EI24: variants seen among roughly 807,000 people sequenced by gnomAD.
EI24 encodes the protein etoposide-induced protein 2.4 homolog.
EI24 carries 21 observed loss-of-function variants against 48.6 expected under a neutral mutation model. The ratio of observed to expected loss-of-function variants is 0.43; its 90% CI spans 0.31 to 0.62. The LOEUF (loss-of-function observed/expected upper bound fraction) is 0.62, where lower values mean the gene tolerates loss of function less well. EI24 is among the 20% of genes least tolerant of loss of function. The pLI is 0.10. For missense variants in EI24, 280 were observed against 410.5 expected (o/e 0.68, Z 2.75); for synonymous variants, 114 against 145.5 (o/e 0.78, Z 1.56).
At chr11:125,574,713 CTA>C (rs1196275468) in intron 2 of EI24, 2 of 152,414 alleles carry the variant, frequency 1.3e-5, no homozygotes, top group African/African-American at 4.8e-5. Context: ...ACTTACTAAA[CTA>C]TGTGTGCTTG....
In EI24 at chr11:125,580,703, G is replaced by A. The variant is rs76927984; in HGVS notation, c.673+499G>A. The A allele has an allele frequency of 1.0e-3, 162 of 156,342 alleles. 2 individuals are homozygous for A. In the East Asian group the frequency reaches 0.028, roughly 27 times the overall value. 9.7% of individuals were successfully genotyped at this position (156,342 alleles called of 1,614,324 possible). ...CTTAGCCTGTCAGCTTTGAAATTAC[G>A]ATTATAGAATTCTAAGAAACTTTGC... On this transcript the variant is annotated intron_variant, in intron 8 of 10. Coordinates refer to ENST00000278903, the MANE Select transcript of EI24 (RefSeq NM_004879.5).
At chr11:125,582,479 G>T in intron 10 of EI24, 59 bp downstream of exon 10, 1 of 1,258,760 alleles carries the variant, frequency 7.9e-7, no homozygotes, top group Non-Finnish European at 1.1e-6. Context: ...TGTAACACCA[G>T]TTATGTCAGT....
At chr11:125,572,706 A>T in intron 2 of EI24, 137 bp downstream of exon 2, 1 of 773,654 alleles carries the variant, frequency 1.3e-6, no homozygotes, top group Non-Finnish European at 2.1e-6. Flanking sequence ...TTGTTATTCT[A>T]GACCACACTA....
At chr11:125,575,874 T>A (rs1938729088) in intron 3 of EI24, 1 of 412,560 alleles carries the variant, frequency 2.4e-6, no homozygotes, top group Non-Finnish European at 4.9e-6. Context: ...CTGCAGCCTC[T>A]GCCTCCCAGG....
At chr11:125,581,113 A>AATAATAATAAG (rs1938975491) in intron 8 of EI24, 98 bp from the exon 9 acceptor site, 1 of 304,486 alleles carries the variant, frequency 3.3e-6, no homozygotes. Context: ...ATAATAATAA[A>AATAATAATAAG]ATCTGTACCT....
intron 6 of EI24, among the ~76,000 whole-genome samples, chr11:125,578,641 GTA>G (rs1274372402): frequency 6.6e-6 from 1 of 150,750 alleles, no homozygotes; most frequent in Non-Finnish European, 1.5e-5. Flanking sequence ...AATTTTTTTT[GTA>G]TTTTTATTAG....
intron 1 of EI24, 145 bp downstream of exon 1, chr11:125,569,718 C>T: frequency 3.2e-6 from 1 of 315,860 alleles, no homozygotes; most frequent in Non-Finnish European, 5.8e-6. Context: ...CCGGAGGGAG[C>T]GGGACGGGGC....
At chr11:125,571,217 A>C (rs1938522818) in intron 1 of EI24, among the ~76,000 whole-genome samples, 1 of 152,190 alleles carries the variant, frequency 6.6e-6, no homozygotes, top group Non-Finnish European at 1.5e-5. Context: ...GCTGCTTGTG[A>C]AATTCTGTCT....
rs1471595481 is a variant in EI24, at chr11:125,575,365, T to C, written c.145T>C (p.Leu49=). The change falls in exon 3 of 11, where the codon TTG becomes CTG. Residue 49 remains leucine, a synonymous_variant. Coordinates refer to ENST00000278903, the MANE Select transcript of EI24 (RefSeq NM_004879.5). ...EQRRRRASSV[L]AQRRAQSIER... Reference sequence around the variant, plus strand: ...GCGTCGAAGAAGGGCAAGTAGTGTCTTGGCACAGAGAAGAGCCCAGAGTAT... The same window carrying C: ...GCGTCGAAGAAGGGCAAGTAGTGTCCTGGCACAGAGAAGAGCCCAGAGTAT... 1 of 1,592,338 alleles carries C rather than the reference T, an allele frequency of 6.3e-7. No homozygotes were observed. Among genetic ancestry groups the C allele is most frequent in the Non-Finnish European group, 8.6e-7 (1 of 1,169,404 alleles).
intron 5 of EI24, 61 bp downstream of exon 5, chr11:125,577,631 C>T: frequency 7.2e-7 from 1 of 1,391,952 alleles, no homozygotes; most frequent in Non-Finnish European, 1.0e-6. Flanking sequence ...GTTTCAGTCT[C>T]CCTCAGTTTA....
intron 10 of EI24, 133 bp from the exon 11 acceptor site, chr11:125,583,388 C>T (rs1377766257): frequency 1.6e-5 from 12 of 753,218 alleles, no homozygotes; most frequent in Non-Finnish European, 2.5e-5. Flanking sequence ...TATCTAATAT[C>T]TGTATTTCCT....
intron 6 of EI24, 67 bp downstream of exon 6, chr11:125,578,324 C>T: frequency 7.5e-6 from 12 of 1,604,918 alleles, no homozygotes; most frequent in Non-Finnish European, 1.0e-5. Context: ...CAAGTTTCAG[C>T]CTGTGAAGTT....
Position 125,584,625 on chromosome 11 carries a change from G to A in EI24, c.*942G>A, listed in dbSNP as rs1939162854. 6.6e-6 allele frequency: 1 copy of A among 152,488 alleles called. No individual in the cohort carries two copies. Among genetic ancestry groups the A allele is most frequent in the East Asian group, 1.9e-4 (1 of 5,194 alleles). 9.4% of individuals were successfully genotyped at this position (152,488 alleles called of 1,614,324 possible). On this transcript the variant is annotated 3_prime_UTR_variant, in exon 11 of 11. Coordinates refer to ENST00000278903, the MANE Select transcript of EI24 (RefSeq NM_004879.5). The stretch of plus-strand genomic sequence containing the variant: ...GAGAGACTAAATGTGGGGGGCAGAT[G>A]TCAAAATACCTGTACAATTTTAAAA...
Position 125,584,504 on chromosome 11 carries a change from G to T in EI24, c.*821G>T, listed in dbSNP as rs1939156193. 2.0e-5 allele frequency: 3 copies of T among 152,628 alleles called. No homozygotes were observed. Among genetic ancestry groups the T allele is most frequent in the Admixed American group, 1.3e-4 (2 of 15,274 alleles). 9.5% of individuals were successfully genotyped at this position (152,628 alleles called of 1,614,324 possible). On this transcript the variant is annotated 3_prime_UTR_variant, in exon 11 of 11. Coordinates refer to ENST00000278903, the MANE Select transcript of EI24 (RefSeq NM_004879.5). ...GAAATTTACTGTTGGCCACTGCCAGGTCTATTTCATATTTCAAAGGAATAT... is the reference window on the plus strand; with the variant it reads ...GAAATTTACTGTTGGCCACTGCCAGTTCTATTTCATATTTCAAAGGAATAT...
At chr11:125,579,164 C>T (rs1488539793) in intron 7 of EI24, 96 bp downstream of exon 7, 5 of 1,240,530 alleles carry the variant, frequency 4.0e-6, no homozygotes, top group African/African-American at 1.5e-5. Flanking sequence ...TATATTTATA[C>T]AGAGTATTAT....
chr11:125,583,508 T>G lies in EI24; in HGVS notation c.861-13T>G. 2 of 1,549,970 alleles carry G rather than the reference T, an allele frequency of 1.3e-6. No homozygotes were observed. Among genetic ancestry groups the G allele is most frequent in the African/African-American group, 1.4e-5 (1 of 72,446 alleles). Reference sequence around the variant, plus strand: ...AACTGGGGAGCTAACAAGTTGGGTTTCTTGCCTTTTAGTCTCTTCCAGTTG... The same window carrying G: ...AACTGGGGAGCTAACAAGTTGGGTTGCTTGCCTTTTAGTCTCTTCCAGTTG... On this transcript the variant is annotated splice_polypyrimidine_tract_variant and intron_variant, in intron 10 of 10. Transcript: ENST00000278903.
Position 125,584,533 on chromosome 11 carries a change from G to A in EI24, c.*850G>A, listed in dbSNP as rs1939157356. Reference sequence around the variant, plus strand: ...ATTTCATATTTCAAAGGAATATTGGGTGCTGCATATAGGAACTGAAGGGGT... The same window carrying A: ...ATTTCATATTTCAAAGGAATATTGGATGCTGCATATAGGAACTGAAGGGGT... On this transcript the variant is annotated 3_prime_UTR_variant, in exon 11 of 11. Transcript: ENST00000278903. 1 of 152,606 alleles carries A rather than the reference G, an allele frequency of 6.6e-6. No homozygotes were observed. Among genetic ancestry groups the A allele is most frequent in the Non-Finnish European group, 1.5e-5 (1 of 68,028 alleles). 9.5% of individuals were successfully genotyped at this position (152,606 alleles called of 1,614,324 possible).
At chr11:125,578,293 G>A (rs550498776) in intron 6 of EI24, 36 bp downstream of exon 6, 53 of 1,612,338 alleles carry the variant, frequency 3.3e-5, no homozygotes, top group Non-Finnish European at 4.5e-5. Flanking sequence ...GGGTCCCGCA[G>A]CATGATTGGC....
chr11:125,576,338 G>A (rs765441070), intron 4 of EI24, 23 bp downstream of exon 4: 47 of 1,609,676 alleles, frequency 2.9e-5, no homozygotes, highest in Non-Finnish European at 4.0e-5. Flanking sequence ...AATTCCAGGT[G>A]CCTTATAAGC....
Sources: gnomAD v4.1 joint callset for allele counts (sites outside exome capture counted in the v4.1 genomes callset) on GRCh38, gnomAD v4.1.1 for gene constraint, MANE v1.5 for transcripts, NCBI Gene and HGNC (gene_info 2026-07-23, HGNC 2026-07-21) for gene names.